Variants in CTNNA2 observed in about 807,000 individuals in gnomAD.
CTNNA2 encodes the protein catenin alpha-2.
In CTNNA2, 42 loss-of-function variants were observed where a neutral mutation model predicts 101.0. The observed-to-expected ratio is 0.42, with a 90% CI of 0.32 to 0.54. The LOEUF is 0.54. CTNNA2 is among the 20% of genes least tolerant of loss of function. CTNNA2 has a pLI of 0.14. For synonymous variants in CTNNA2, 450 were observed against 456.4 expected (o/e 0.99, Z 0.18); for missense variants, 871 against 1,223.1 (o/e 0.71, Z 4.29).
intron 9 of CTNNA2, among the ~76,000 whole-genome samples, chr2:80,526,872 G>A (rs926040141): frequency 5.9e-5 from 9 of 152,204 alleles, no homozygotes; most frequent in Non-Finnish European, 1.2e-4. Context: ...TTCCTTGAAT[G>A]CAAACTTCTC....
At chr2:79,750,953 T>G (rs1238262656) in intron 3 of CTNNA2, among the ~76,000 whole-genome samples, 3 of 152,056 alleles carry the variant, frequency 2.0e-5, no homozygotes, top group Non-Finnish European at 2.9e-5. Flanking sequence ...GATAGATATA[T>G]CCTATGCTAA....
At chr2:79,811,206 T>G (rs1358243296) in intron 3 of CTNNA2, among the ~76,000 whole-genome samples, 1 of 152,138 alleles carries the variant, frequency 6.6e-6, no homozygotes, top group Non-Finnish European at 1.5e-5. Context: ...CCTGACTTTT[T>G]AATGATCGCC....
intron 7 of CTNNA2, among the ~76,000 whole-genome samples, chr2:80,146,293 G>A (rs556663620): frequency 6.6e-6 from 1 of 152,288 alleles, no homozygotes; most frequent in East Asian, 1.9e-4. Flanking sequence ...AGAATTGTGA[G>A]CAAATACATG....
intron 7 of CTNNA2, among the ~76,000 whole-genome samples, chr2:80,157,486 G>A (rs1016567715): frequency 3.9e-5 from 6 of 152,122 alleles, no homozygotes; most frequent in Non-Finnish European, 7.4e-5. Context: ...CCTGTTAGAT[G>A]TGTGTATGTG....
intron 1 of CTNNA2, among the ~76,000 whole-genome samples, chr2:79,621,693 C>T (rs544695964): frequency 3.9e-5 from 6 of 152,256 alleles, no homozygotes; most frequent in South Asian, 4.2e-4. Flanking sequence ...AAGCACATTG[C>T]GAGTACCTCT....
At chr2:80,468,820 G>C (rs937665456) in intron 9 of CTNNA2, among the ~76,000 whole-genome samples, 1 of 152,212 alleles carries the variant, frequency 6.6e-6, no homozygotes, top group Admixed American at 6.5e-5. Context: ...CTGCTCACTA[G>C]TAAGTGATCA....
rs181696377 is a variant in CTNNA2, at chr2:80,216,811, G to A, written c.1057-176400G>A. Among the ~76,000 whole-genome samples, 238 of 151,530 alleles carry A rather than the reference G, an allele frequency of 1.6e-3. 2 individuals are homozygous for A. The highest frequency in any genetic ancestry group is 3.4e-3 in the Middle Eastern group (1 of 294). ...AGACATAATCAGGAAATATTTCTCC[G>A]GGGCCTGACTTAGCCTAAGCTATTT... On this transcript the variant is annotated intron_variant, in intron 7 of 18. Coordinates refer to ENST00000402739, the MANE Select transcript of CTNNA2 (RefSeq NM_001282597.3).
chr2:80,014,804 A>G (rs991348569), intron 7 of CTNNA2, among the ~76,000 whole-genome samples: 1 of 152,238 alleles, frequency 6.6e-6, no homozygotes, highest in Non-Finnish European at 1.5e-5. Flanking sequence ...GATGCACTGA[A>G]TGAGATAATG....
chr2:79,869,657 C>T (rs1682433005), intron 4 of CTNNA2, among the ~76,000 whole-genome samples, 159 bp from the exon 5 acceptor site: 1 of 152,158 alleles, frequency 6.6e-6, no homozygotes, highest in Non-Finnish European at 1.5e-5. Flanking sequence ...TTTAATCTGA[C>T]TACACATGAT....
chr2:80,571,035 G>T (rs182539608), intron 12 of CTNNA2, among the ~76,000 whole-genome samples: 2 of 152,088 alleles, frequency 1.3e-5, no homozygotes, highest in African/African-American at 4.8e-5. Flanking sequence ...GGCAAAAACC[G>T]CATTTATTTT....
At chr2:80,511,090 G>A (rs1688669538) in intron 9 of CTNNA2, among the ~76,000 whole-genome samples, 1 of 152,156 alleles carries the variant, frequency 6.6e-6, no homozygotes, top group Non-Finnish European at 1.5e-5. Flanking sequence ...CAAAGTTTTT[G>A]CTTTGGGTAT....
intron 9 of CTNNA2, among the ~76,000 whole-genome samples, chr2:80,478,865 T>G (rs1208649126): frequency 2.0e-5 from 3 of 152,078 alleles, no homozygotes; most frequent in Non-Finnish European, 2.9e-5. Flanking sequence ...CTATTTGGGT[T>G]TTTTCTTAGT....
At chr2:79,529,765 A>C (rs1488136320) in intron 1 of CTNNA2, among the ~76,000 whole-genome samples, 2 of 151,956 alleles carry the variant, frequency 1.3e-5, no homozygotes, top group African/African-American at 4.8e-5. Flanking sequence ...CAAAGCATAC[A>C]CAAGCAAAGA....
intron 2 of CTNNA2, among the ~76,000 whole-genome samples, chr2:79,742,379 G>C (rs1671349721): frequency 6.6e-6 from 1 of 151,900 alleles, no homozygotes; most frequent in Non-Finnish European, 1.5e-5. Context: ...AAACATCTTA[G>C]AATTATGCAT....
chr2:80,523,048 G>C (rs1342108512), intron 9 of CTNNA2, among the ~76,000 whole-genome samples: 3 of 152,148 alleles, frequency 2.0e-5, no homozygotes, highest in Non-Finnish European at 4.4e-5. Flanking sequence ...TGAGAAGCCA[G>C]AGTCTGGGAT....
At chr2:79,521,148 AT>A (rs1558695172) in intron 1 of CTNNA2, among the ~76,000 whole-genome samples, 12 of 35,022 alleles carry the variant, frequency 3.4e-4, no homozygotes, top group African/African-American at 1.3e-3. Flanking sequence ...ATATATATAT[AT>A]ATATATATAT....
At chr2:80,004,089 A>C (rs1030467104) in intron 7 of CTNNA2, among the ~76,000 whole-genome samples, 4 of 152,132 alleles carry the variant, frequency 2.6e-5, no homozygotes, top group African/African-American at 9.7e-5. Flanking sequence ...GAGAAAATAG[A>C]GGCTAAAATT....
At chr2:79,841,576 G>A (rs1308895369) in intron 3 of CTNNA2, among the ~76,000 whole-genome samples, 17 of 152,118 alleles carry the variant, frequency 1.1e-4, no homozygotes. Context: ...AAATTAGTGG[G>A]CACACGTGCA....
intron 9 of CTNNA2, among the ~76,000 whole-genome samples, chr2:80,426,940 C>G (rs1039193159): frequency 6.6e-6 from 1 of 152,138 alleles, no homozygotes; most frequent in South Asian, 2.1e-4. Context: ...CAGTTCCTTA[C>G]GTCTTTCACT....
Sources: gnomAD v4.1 joint callset for allele counts (sites outside exome capture counted in the v4.1 genomes callset) on GRCh38, gnomAD v4.1.1 for gene constraint, MANE v1.5 for transcripts, NCBI Gene and HGNC (gene_info 2026-07-23, HGNC 2026-07-21) for gene names.